Variants in WDTC1 observed in about 807,000 individuals in gnomAD.
WDTC1 encodes the protein WD and tetratricopeptide repeats protein 1.
WDTC1 carries 12 observed loss-of-function variants against 76.0 expected under a neutral mutation model. That is an observed-to-expected ratio of 0.16 (90% CI 0.10 to 0.26). The LOEUF (loss-of-function observed/expected upper bound fraction) is 0.26, where lower values mean the gene tolerates loss of function less well. WDTC1 is among the 10% of genes least tolerant of loss of function. WDTC1 has a pLI of 1.00. For missense variants in WDTC1, 511 were observed against 908.8 expected (o/e 0.56, Z 5.63); for synonymous variants, 326 against 350.8 (o/e 0.93, Z 0.79).
At chr1:27,269,456 A>C in intron 3 of WDTC1, among the ~76,000 whole-genome samples, 1 of 151,752 alleles carries the variant, frequency 6.6e-6, no homozygotes, top group East Asian at 1.9e-4. Context: ...CAAGTGGAAG[A>C]GGGATGAGAA....
At chr1:27,259,253 G>A (rs116126816) in intron 1 of WDTC1, among the ~76,000 whole-genome samples, 3,927 of 151,816 alleles carry the variant, frequency 0.026, 74 homozygotes, top group Non-Finnish European at 0.036. Flanking sequence ...TCAAACTCCC[G>A]GGCTCAAGTG....
intron 1 of WDTC1, among the ~76,000 whole-genome samples, chr1:27,240,741 C>G (rs2011606117): frequency 6.6e-6 from 1 of 152,110 alleles, no homozygotes; most frequent in African/African-American, 2.4e-5. Flanking sequence ...CTTTGGGAGG[C>G]TGAGGTGGGC....
At chr1:27,277,057 G>A (rs1462559826) in intron 3 of WDTC1, among the ~76,000 whole-genome samples, 1 of 150,848 alleles carries the variant, frequency 6.6e-6, no homozygotes, top group Non-Finnish European at 1.5e-5. Context: ...AATTGATATG[G>A]GATCTGTCTC....
Position 27,235,142 on chromosome 1 carries a change from T to A in WDTC1, c.-100+191T>A, listed in dbSNP as rs550915387. On this transcript the variant is annotated intron_variant, in intron 1 of 15. Coordinates refer to ENST00000319394, the MANE Select transcript of WDTC1 (RefSeq NM_001276252.2). ...CTCGCCGGGGCGGAGGGCAGAGTGGTCCGGGGGCGGGGTGGGGGCGGAGGG... is the reference window on the plus strand; with the variant it reads ...CTCGCCGGGGCGGAGGGCAGAGTGGACCGGGGGCGGGGTGGGGGCGGAGGG... Among the ~76,000 whole-genome samples, 54 of 150,682 alleles carry A rather than the reference T, an allele frequency of 3.6e-4. No homozygotes were observed. The East Asian group carries it at 9.7e-3, about 27-fold the overall frequency.
At chr1:27,257,151 C>T (rs1165490961) in intron 1 of WDTC1, among the ~76,000 whole-genome samples, 1 of 152,106 alleles carries the variant, frequency 6.6e-6, no homozygotes, top group African/African-American at 2.4e-5. Context: ...CGTGAGCCAC[C>T]GTGCCCGGCC....
At chr1:27,251,633 G>T (rs1367724374) in intron 1 of WDTC1, among the ~76,000 whole-genome samples, 3 of 151,972 alleles carry the variant, frequency 2.0e-5, no homozygotes, top group African/African-American at 7.3e-5. Context: ...AGACCAACCT[G>T]GGCAACATAG....
In WDTC1 at chr1:27,306,506, G is replaced by GT. The variant is rs2013960151; in HGVS notation, c.*126dup. 1.1e-5 allele frequency: 14 copies of GT among 1,262,808 alleles called. No individual in the cohort carries two copies. The South Asian group carries it at 2.0e-4, about 18-fold the overall frequency. 78.2% of individuals were successfully genotyped at this position (1,262,808 alleles called of 1,614,324 possible). ...CCTTTTTTTTCATTTCCCCTGTTTT[G>GT]TTTGTTAGTTTGGCGTTAGGGGTGG... On this transcript the variant is annotated 3_prime_UTR_variant, in exon 16 of 16. Coordinates refer to ENST00000319394, the MANE Select transcript of WDTC1 (RefSeq NM_001276252.2). The surrounding 1 kb of genome is among the most constrained non-coding windows in gnomAD (Gnocchi z 5.0).
At chr1:27,264,116 C>T (rs1454295129) in intron 3 of WDTC1, among the ~76,000 whole-genome samples, 7 of 151,808 alleles carry the variant, frequency 4.6e-5, no homozygotes, top group Non-Finnish European at 1.0e-4. Context: ...TGGTGAAATC[C>T]CAACTCTACT....
At chr1:27,270,880 T>C (rs902413703) in intron 3 of WDTC1, among the ~76,000 whole-genome samples, 1 of 152,240 alleles carries the variant, frequency 6.6e-6, no homozygotes, top group Non-Finnish European at 1.5e-5. Flanking sequence ...ATCAGTAGAC[T>C]GTATGGTTGA....
intron 1 of WDTC1, among the ~76,000 whole-genome samples, chr1:27,240,163 T>C (rs1332956862): frequency 1.3e-5 from 2 of 152,148 alleles, no homozygotes; most frequent in Admixed American, 1.3e-4. Context: ...AGTGCTGGGA[T>C]TACAGGCATG....
At chr1:27,287,646 C>T (rs762803125) in intron 5 of WDTC1, 28 bp from the exon 6 acceptor site, 1 of 1,601,274 alleles carries the variant, frequency 6.2e-7, no homozygotes, top group South Asian at 1.1e-5. Flanking sequence ...TCTTACCACC[C>T]ACCCCTTCCT....
rs983524768 is a variant in WDTC1, at chr1:27,260,935, T to C, written c.-99-21T>C. 17 of 1,141,966 alleles carry C rather than the reference T, an allele frequency of 1.5e-5. No homozygotes were observed. The African/African-American group carries it at 1.7e-4, about 12-fold the overall frequency. 70.7% of individuals were successfully genotyped at this position (1,141,966 alleles called of 1,614,324 possible). ...CACTTTATTATCCATCCTCCAAAGTTTGATGATTTTTTTCCCCCAGGTAAT... is the reference window on the plus strand; with the variant it reads ...CACTTTATTATCCATCCTCCAAAGTCTGATGATTTTTTTCCCCCAGGTAAT... On this transcript the variant is annotated intron_variant, in intron 1 of 15. Transcript: ENST00000319394.
rs2013966026 is a variant in WDTC1 at position 27,306,759 on chromosome 1, CAGG to C, written c.*382_*384del. On this transcript the variant is annotated 3_prime_UTR_variant, in exon 16 of 16. Coordinates refer to ENST00000319394, the MANE Select transcript of WDTC1 (RefSeq NM_001276252.2). This position sits in a 1 kb window ranked among gnomAD's most constrained non-coding sequence, Gnocchi z 5.0. ...TGTCCTGCCCTTTAGCTGGCAGCAGCAGGAGGAGTGGGATTCCCAATTGGTAAG... is the reference window on the plus strand; with the variant it reads ...TGTCCTGCCCTTTAGCTGGCAGCAGCAGGAGTGGGATTCCCAATTGGTAAG... 7 of 236,328 alleles carry C rather than the reference CAGG, an allele frequency of 3.0e-5. No individual in the cohort carries two copies. The South Asian group carries it at 5.1e-4, about 17-fold the overall frequency. The allele number at this position is 236,328 out of a possible 1,614,324, so 14.6% of individuals were successfully genotyped here.
rs193189010 is a variant in WDTC1, at chr1:27,286,615, G to A, written c.292-1059G>A. Among the ~76,000 whole-genome samples the A allele has an allele frequency of 4.4e-3, 666 of 150,904 alleles. 6 individuals are homozygous for A. The highest frequency in any genetic ancestry group is 0.016 in the African/African-American group (641 of 41,152). ...CTCCCGAGTAGCTGGGACTACAGGC[G>A]CACGCCCGGCTAATTTTTTTATATT... is the stretch of plus-strand genomic sequence containing the variant. On this transcript the variant is annotated intron_variant, in intron 5 of 15. Coordinates refer to ENST00000319394, the MANE Select transcript of WDTC1 (RefSeq NM_001276252.2).
Position 27,303,641 on chromosome 1 carries a change from G to A in WDTC1, c.1489G>A (p.Gly497Ser). Residue 497 changes from glycine to serine, a missense_variant, in exon 14 of 16, where the codon GGC becomes AGC. Physicochemically the swap from Gly to Ser is moderately conservative, Grantham distance 56. Transcript: ENST00000319394. This position sits in a 1 kb window ranked among gnomAD's most constrained non-coding sequence, Gnocchi z 4.8. ...NDGEEKKGPG[G>S]GAPVRLRSTS... The stretch of plus-strand genomic sequence containing the variant: ...CCCAGAGGAGAAGAAGGGACCTGGT[G>A]GCGGCGCCCCAGTCCGCCTCCGCAG... The A allele has an allele frequency of 1.2e-6, 2 of 1,602,678 alleles. No individual in the cohort carries two copies. The highest frequency in any genetic ancestry group is 2.3e-5 in the East Asian group (1 of 44,138).
At position 27,301,266 on chromosome 1, in the gene WDTC1, G is replaced by T. The variant is rs758279758; in HGVS notation, c.1273G>T (p.Ala425Ser). The T allele has an allele frequency of 6.2e-7, 1 of 1,614,072 alleles. No homozygotes were observed. Among genetic ancestry groups the T allele is most frequent in the Admixed American group, 1.7e-5 (1 of 60,018 alleles). ...HYDALRDCLK[A>S]ISLNPCHLKA... The stretch of plus-strand genomic sequence containing the variant: ...TGATGCCCTGAGGGACTGCCTCAAG[G>T]CCATCTCCCTAAACCCATGCCACCT... The change falls in exon 13 of 16, where the codon GCC becomes TCC. Residue 425 changes from alanine (A) to serine (S), a missense_variant. Ala to Ser is a moderately conservative substitution (Grantham distance 99). Coordinates refer to ENST00000319394, the MANE Select transcript of WDTC1 (RefSeq NM_001276252.2). This position sits in a 1 kb window ranked among gnomAD's most constrained non-coding sequence, Gnocchi z 5.8.
intron 6 of WDTC1, among the ~76,000 whole-genome samples, chr1:27,291,754 G>A (rs1357623015): frequency 6.6e-6 from 1 of 152,158 alleles, no homozygotes; most frequent in East Asian, 1.9e-4. Context: ...TAGGAACGGA[G>A]CAGTGTTTAA....
At chr1:27,287,172 AAAC>A (rs1017603954) in intron 5 of WDTC1, among the ~76,000 whole-genome samples, 5 of 151,866 alleles carry the variant, frequency 3.3e-5, no homozygotes, top group African/African-American at 1.2e-4. Context: ...CAAAAAAAAA[AAAC>A]AAAAAAAACC....
At chr1:27,259,035 G>GTA (rs2012382947) in intron 1 of WDTC1, among the ~76,000 whole-genome samples, 1 of 152,220 alleles carries the variant, frequency 6.6e-6, no homozygotes, top group Admixed American at 6.5e-5. Flanking sequence ...TGAAAGTCTA[G>GTA]TATTTTTAAA....
Sources: allele counts gnomAD v4.1 joint callset (sites outside exome capture counted in the v4.1 genomes callset), GRCh38; gene constraint gnomAD v4.1.1; non-coding constraint Gnocchi (gnomAD v3.1); transcripts MANE v1.5; gene names NCBI Gene and HGNC (gene_info 2026-07-23, HGNC 2026-07-21).